The following STK32B variants were observed in gnomAD, a reference collection of about 807,000 sequenced individuals.
The protein encoded by STK32B is serine/threonine-protein kinase 32B.
Under a neutral mutation model 52.6 loss-of-function variants are expected in STK32B, and 43 were observed. The ratio of observed to expected loss-of-function variants is 0.82; its 90% CI spans 0.64 to 1.05. The LOEUF (loss-of-function observed/expected upper bound fraction) is 1.05, where lower values mean the gene tolerates loss of function less well. Among genes scored for constraint, STK32B ranks in the 50% least tolerant of loss-of-function variants. The pLI, the probability that STK32B is intolerant of heterozygous loss-of-function variation, is 0.00. For missense variants in STK32B, 621 were observed against 534.6 expected (o/e 1.16, Z -1.59); for synonymous variants, 238 against 204.3 (o/e 1.17, Z -1.41).
At chr4:5,458,262 G>A (rs374014995) in intron 8 of STK32B, among the ~76,000 whole-genome samples, 19 of 152,288 alleles carry the variant, frequency 1.2e-4, no homozygotes, top group Middle Eastern at 3.4e-3. Context: ...CATCCTCCAC[G>A]ATGCATGGAG....
intron 7 of STK32B, among the ~76,000 whole-genome samples, chr4:5,452,559 G>A (rs1336024443): frequency 6.6e-6 from 1 of 152,112 alleles, no homozygotes. Context: ...ACGGTTCCAG[G>A]GGCAGGGAAA....
At chr4:5,325,414 T>C (rs1731806899) in intron 3 of STK32B, among the ~76,000 whole-genome samples, 1 of 152,146 alleles carries the variant, frequency 6.6e-6, no homozygotes, top group African/African-American at 2.4e-5. Flanking sequence ...TTGAGACACA[T>C]TGATGGGCCA....
the STK32B span, among the ~76,000 whole-genome samples, chr4:5,019,731 T>C: frequency 7.2e-5 from 11 of 152,202 alleles, no homozygotes; most frequent in African/African-American, 2.2e-4. Flanking sequence ...ACAGGGACTT[T>C]TCCTGAAAAG....
At position 5,301,462 on chromosome 4, in the gene STK32B, G is replaced by T. The variant is rs544367008; in HGVS notation, c.261-29758G>T. On this transcript the variant is annotated intron_variant, in intron 3 of 11. Transcript: ENST00000282908. ...TAATTGAATCTTTTCATTTATGAAAGTCTTTTTCAGATTTTCTATTTCTTC... is the reference window on the plus strand; with the variant it reads ...TAATTGAATCTTTTCATTTATGAAATTCTTTTTCAGATTTTCTATTTCTTC... 3.3e-5 allele frequency among the ~76,000 whole-genome samples: 5 copies of T among 151,688 alleles called. 1 individual carries two copies. In the East Asian group the frequency reaches 9.7e-4, roughly 29 times the overall value.
At chr4:5,143,261 T>C (rs1476533866) in intron 2 of STK32B, among the ~76,000 whole-genome samples, 2 of 152,204 alleles carry the variant, frequency 1.3e-5, no homozygotes, top group Non-Finnish European at 2.9e-5. Context: ...AGGAGGGTTC[T>C]AGAAAGAGCC....
chr4:5,356,231 TA>T (rs1194164736), intron 4 of STK32B, among the ~76,000 whole-genome samples: 1 of 152,194 alleles, frequency 6.6e-6, no homozygotes, highest in East Asian at 1.9e-4. Context: ...CTCTGATTTC[TA>T]CCTCCATCCT....
At chr4:5,449,138 C>T (rs1206674279) in intron 7 of STK32B, among the ~76,000 whole-genome samples, 2 of 152,100 alleles carry the variant, frequency 1.3e-5, no homozygotes, top group Non-Finnish European at 2.9e-5. Context: ...GGTCGGAGAT[C>T]GAAACAAGCC....
intron 2 of STK32B, among the ~76,000 whole-genome samples, chr4:5,144,122 C>T (rs908402048): frequency 1.3e-5 from 2 of 152,158 alleles, no homozygotes; most frequent in Non-Finnish European, 2.9e-5. Flanking sequence ...GTTACCACCA[C>T]TGGGAATTCA....
intron 2 of STK32B, among the ~76,000 whole-genome samples, chr4:5,140,700 C>T (rs992466440): frequency 1.3e-4 from 20 of 152,156 alleles, no homozygotes; most frequent in Admixed American, 2.6e-4. Context: ...CTATTTAAAA[C>T]TCATAGAGCT....
At chr4:5,253,905 C>G (rs935535908) in intron 3 of STK32B, among the ~76,000 whole-genome samples, 1 of 152,146 alleles carries the variant, frequency 6.6e-6, no homozygotes, top group Non-Finnish European at 1.5e-5. Flanking sequence ...AGGCAACAGG[C>G]CCCAGACTAG....
chr4:5,178,214 T>C (rs987588255), intron 3 of STK32B, among the ~76,000 whole-genome samples: 1 of 152,218 alleles, frequency 6.6e-6, no homozygotes, highest in African/African-American at 2.4e-5. Flanking sequence ...CAGTTCTTGA[T>C]TTCTATGCAT....
intron 3 of STK32B, among the ~76,000 whole-genome samples, chr4:5,183,530 C>G (rs187751083): frequency 6.6e-6 from 1 of 151,972 alleles, no homozygotes; most frequent in Non-Finnish European, 1.5e-5. Flanking sequence ...CCATTGAATT[C>G]TTTCTAGATG....
At chr4:5,072,706 C>A (rs1239790517) in intron 1 of STK32B, among the ~76,000 whole-genome samples, 1 of 152,138 alleles carries the variant, frequency 6.6e-6, no homozygotes, top group East Asian at 1.9e-4. Context: ...GAATATATAT[C>A]CTTCTGTTAC....
intron 1 of STK32B, chr4:5,139,544 A>C: frequency 4.2e-6 from 1 of 240,842 alleles, no homozygotes; most frequent in South Asian, 8.4e-5. Flanking sequence ...AAGTCAAAGG[A>C]GGGGAGGATG....
chr4:5,468,834 G>A (rs1412495934), intron 11 of STK32B, among the ~76,000 whole-genome samples: 6 of 152,028 alleles, frequency 3.9e-5, no homozygotes, highest in Admixed American at 6.6e-5. Context: ...AGGCTGAGGC[G>A]GGCAGATCAC....
chr4:5,223,685 T>C (rs1295143834), intron 3 of STK32B, among the ~76,000 whole-genome samples: 1 of 151,708 alleles, frequency 6.6e-6, no homozygotes, highest in Non-Finnish European at 1.5e-5. Context: ...GGCGTGGTGG[T>C]GGACACCTGT....
At chr4:5,116,671 T>C (rs1714736284) in intron 1 of STK32B, among the ~76,000 whole-genome samples, 2 of 152,230 alleles carry the variant, frequency 1.3e-5, no homozygotes, top group Non-Finnish European at 2.9e-5. Flanking sequence ...AGGATTTCTA[T>C]TTCTGTGAAC....
chr4:5,318,569 A>G (rs1731271066), intron 3 of STK32B, among the ~76,000 whole-genome samples: 1 of 152,112 alleles, frequency 6.6e-6, no homozygotes, highest in South Asian at 2.1e-4. Flanking sequence ...TATTCCAGAT[A>G]TATTGGGACA....
chr4:5,302,225 A>C (rs546677704), intron 3 of STK32B, among the ~76,000 whole-genome samples: 1 of 150,878 alleles, frequency 6.6e-6, no homozygotes, highest in African/African-American at 2.5e-5. Context: ...AAAAAATCAC[A>C]AAGAATTATA....
Sources: gnomAD v4.1 joint callset for allele counts (sites outside exome capture counted in the v4.1 genomes callset) on GRCh38, gnomAD v4.1.1 for gene constraint, MANE v1.5 for transcripts, NCBI Gene and HGNC (gene_info 2026-07-23, HGNC 2026-07-21) for gene names.